ST14: variants seen among roughly 807,000 people sequenced by gnomAD.
ST14 encodes suppressor of tumorigenicity 14 protein.
In ST14, 40 loss-of-function variants were observed where a neutral mutation model predicts 96.5. The observed-to-expected ratio is 0.41, with a 90% CI of 0.32 to 0.54. The LOEUF (loss-of-function observed/expected upper bound fraction) is 0.54. ST14 is among the 20% of genes least tolerant of loss of function. ST14 has a pLI of 0.17. For synonymous variants in ST14, 506 were observed against 492.1 expected (o/e 1.03, Z -0.37); for missense variants, 1,066 against 1,188.9 (o/e 0.90, Z 1.52).
chr11:130,166,935 G>C (rs1327828225), intron 1 of ST14, among the ~76,000 whole-genome samples: 1 of 152,222 alleles, frequency 6.6e-6, no homozygotes, highest in Non-Finnish European at 1.5e-5. Context: ...ATGAGGCCGG[G>C]TGCGGTGGTT....
chr11:130,182,417 G>C (rs11827561), intron 1 of ST14, among the ~76,000 whole-genome samples: 11,612 of 151,878 alleles, frequency 0.076, 1,325 homozygotes, highest in African/African-American at 0.25. Flanking sequence ...AGCCTCCCTG[G>C]GTTCAGATCA....
chr11:130,207,512 C>T (rs560659097), intron 16 of ST14, among the ~76,000 whole-genome samples: 4 of 152,304 alleles, frequency 2.6e-5, no homozygotes, highest in African/African-American at 9.6e-5. Flanking sequence ...GATCACACCT[C>T]TGTACTCCAG....
chr11:130,208,306 G>A, intron 16 of ST14, 104 bp from the exon 17 acceptor site: 1 of 1,524,088 alleles, frequency 6.6e-7, no homozygotes. Flanking sequence ...CGTAGCAGCA[G>A]CTGTGCCTCA....
chr11:130,190,569 G>A lies in ST14; in HGVS notation c.750G>A (p.Gly250=). 1 of 1,612,634 alleles carries A rather than the reference G, an allele frequency of 6.2e-7. No homozygotes were observed. The highest frequency in any genetic ancestry group is 1.3e-5 in the African/African-American group (1 of 75,064). Residue 250 remains glycine, a synonymous_variant, in exon 7 of 19, where the codon GGG becomes GGA. Transcript: ENST00000278742. ...AHARCQWALR[G]DADSVLSLTF... ...CCCGCTGCCAGTGGGCCCTGCGGGGGGACGCCGACTCAGTGCTGAGCCTCA... is the reference window on the plus strand; with the variant it reads ...CCCGCTGCCAGTGGGCCCTGCGGGGAGACGCCGACTCAGTGCTGAGCCTCA...
chr11:130,188,515 T>C lies in ST14; in HGVS notation c.242-15T>C, dbSNP rs200794700. 9.9e-5 allele frequency: 160 copies of C among 1,613,232 alleles called. No individual in the cohort carries two copies. In the African/African-American group the frequency reaches 1.9e-3, roughly 19 times the overall value. On this transcript the variant is annotated splice_polypyrimidine_tract_variant and intron_variant, in intron 2 of 18. Coordinates refer to ENST00000278742, the MANE Select transcript of ST14 (RefSeq NM_021978.4). This position sits in a 1 kb window ranked among gnomAD's most constrained non-coding sequence, Gnocchi z 5.4. Reference sequence around the variant, plus strand: ...TACCACCTCCCCTGACTGAGCGCCTTCTGGTCTCACACAGACCGGGACGTG... The same window carrying C: ...TACCACCTCCCCTGACTGAGCGCCTCCTGGTCTCACACAGACCGGGACGTG...
At chr11:130,204,398 T>G (rs1372459629) in intron 16 of ST14, among the ~76,000 whole-genome samples, 1 of 152,178 alleles carries the variant, frequency 6.6e-6, no homozygotes, top group African/African-American at 2.4e-5. Flanking sequence ...CAAAAACAGC[T>G]TTTGGGAAGT....
Position 130,196,371 on chromosome 11 carries a change from C to T in ST14, c.1146C>T (p.Phe382=). 5 of 1,605,524 alleles carry T rather than the reference C, an allele frequency of 3.1e-6. No individual in the cohort carries two copies. Among genetic ancestry groups the T allele is most frequent in the Non-Finnish European group, 4.3e-6 (5 of 1,176,458 alleles). ...ACAACCAGCATGTGAAGGTGCGCTT[C>T]AAATTCTTCTACCTGCTGGAGCCCG... ...VPNNQHVKVR[F]KFFYLLEPGV... is the part of the protein sequence containing the mutation. The change falls in exon 10 of 19, where the codon TTC becomes TTT. Residue 382 remains phenylalanine (F), a synonymous_variant. Coordinates refer to ENST00000278742, the MANE Select transcript of ST14 (RefSeq NM_021978.4).
At chr11:130,194,595 G>T (rs200326575) in intron 8 of ST14, 45 bp from the exon 9 acceptor site, 10 of 1,599,116 alleles carry the variant, frequency 6.3e-6, no homozygotes, top group Admixed American at 5.0e-5. Context: ...CTGCTCGGCC[G>T]GGCAGGTTCC....
At chr11:130,192,555 AT>A (rs1304435071) in intron 7 of ST14, among the ~76,000 whole-genome samples, 13 of 151,864 alleles carry the variant, frequency 8.6e-5, no homozygotes, top group Non-Finnish European at 1.8e-4. Context: ...CACTCAGCTA[AT>A]TTTTTTTGTA....
intron 1 of ST14, among the ~76,000 whole-genome samples, chr11:130,167,300 A>C (rs996596145): frequency 6.6e-6 from 1 of 152,206 alleles, no homozygotes; most frequent in Non-Finnish European, 1.5e-5. Context: ...TTTCTAAAAA[A>C]ATTTTTTTCC....
chr11:130,174,320 C>T (rs1372981372), intron 1 of ST14, among the ~76,000 whole-genome samples: 3 of 152,198 alleles, frequency 2.0e-5, no homozygotes, highest in Non-Finnish European at 4.4e-5. Flanking sequence ...CAAGAAATAT[C>T]ACGTCCAATT....
chr11:130,188,212 C>G lies in ST14; in HGVS notation c.180C>G (p.Ala60=). 1.2e-6 allele frequency: 2 copies of G among 1,614,146 alleles called. No homozygotes were observed. The highest frequency in any genetic ancestry group is 1.7e-6 in the Non-Finnish European group (2 of 1,180,020). ...CGGGGCGCTGGGTGGTGCTGGCAGC[C>G]GTGCTGATCGGCCTCCTCTTGGTCT... is the stretch of plus-strand genomic sequence containing the variant. The part of the protein sequence containing the change: ...HGPGRWVVLA[A]VLIGLLLVLL... The change falls in exon 2 of 19, where the codon GCC becomes GCG. Residue 60 remains alanine, a synonymous_variant. Coordinates refer to ENST00000278742, the MANE Select transcript of ST14 (RefSeq NM_021978.4). This position sits in a 1 kb window ranked among gnomAD's most constrained non-coding sequence, Gnocchi z 5.4.
In ST14 at chr11:130,196,557, G is replaced by GT. The variant is rs570246456; in HGVS notation, c.1224-13_1224-12insT. 1 of 1,607,882 alleles carries GT rather than the reference G, an allele frequency of 6.2e-7. No individual in the cohort carries two copies. The highest frequency in any genetic ancestry group is 2.2e-5 in the East Asian group (1 of 44,650). Reference sequence around the variant, plus strand: ...GCTGTCCCTCCTCACCTTGTGCCCCGCCCCCCCTCCAGATACTGCGGAGAG... The same window carrying GT: ...GCTGTCCCTCCTCACCTTGTGCCCCGTCCCCCCCTCCAGATACTGCGGAGAG... On this transcript the variant is annotated splice_polypyrimidine_tract_variant and intron_variant, in intron 10 of 18. Coordinates refer to ENST00000278742, the MANE Select transcript of ST14 (RefSeq NM_021978.4).
intron 12 of ST14, 48 bp downstream of exon 12, chr11:130,197,993 T>G: frequency 6.7e-7 from 1 of 1,502,816 alleles, no homozygotes; most frequent in Non-Finnish European, 9.0e-7. Flanking sequence ...TTCCCCACCC[T>G]GCCCGCGTCC....
At chr11:130,190,345 G>A (rs1290624815) in intron 6 of ST14, 109 bp from the exon 7 acceptor site, 29 of 1,559,994 alleles carry the variant, frequency 1.9e-5, no homozygotes, top group South Asian at 1.0e-4. Context: ...AGCCTGGGGC[G>A]TCTCGAAGGG....
At chr11:130,169,303 C>T (rs1283326879) in intron 1 of ST14, among the ~76,000 whole-genome samples, 1 of 152,122 alleles carries the variant, frequency 6.6e-6, no homozygotes, top group African/African-American at 2.4e-5. Flanking sequence ...CCATGTTGGC[C>T]AGACTGGTCT....
intron 7 of ST14, among the ~76,000 whole-genome samples, chr11:130,191,836 G>T (rs998147286): frequency 6.6e-6 from 1 of 152,186 alleles, no homozygotes; most frequent in Admixed American, 6.6e-5. Flanking sequence ...CTGATACTTG[G>T]GCCTGGGGTG....
At chr11:130,205,448 C>G (rs1371744211) in intron 16 of ST14, among the ~76,000 whole-genome samples, 1 of 152,072 alleles carries the variant, frequency 6.6e-6, no homozygotes, top group African/African-American at 2.4e-5. Context: ...CACTCTTATA[C>G]CTTTGATCTA....
rs1381311724 is a variant in ST14 at position 130,181,237 on chromosome 11, C to G, written c.82-6877C>G. Among the ~76,000 whole-genome samples, 4 of 152,082 alleles carry G rather than the reference C, an allele frequency of 2.6e-5. No individual in the cohort carries two copies. Among genetic ancestry groups the G allele is most frequent in the African/African-American group, 9.7e-5 (4 of 41,394 alleles). On this transcript the variant is annotated intron_variant, in intron 1 of 18. Coordinates refer to ENST00000278742, the MANE Select transcript of ST14 (RefSeq NM_021978.4). The surrounding 1 kb of genome is among the most constrained non-coding windows in gnomAD (Gnocchi z 4.1). ...CCCTGCTGGGTGAGATAGTGGTGGT[C>G]CCTGTTAGATCCTGGCCCTTTAGGG...
Sources: gnomAD v4.1 joint callset for allele counts (sites outside exome capture counted in the v4.1 genomes callset) on GRCh38, gnomAD v4.1.1 for gene constraint, Gnocchi (gnomAD v3.1) non-coding constraint, MANE v1.5 for transcripts, NCBI Gene and HGNC (gene_info 2026-07-23, HGNC 2026-07-21) for gene names.